RASSF3: variants seen among roughly 807,000 people sequenced by gnomAD.
The protein encoded by RASSF3 is ras association domain-containing protein 3.
Under a neutral mutation model 19.9 loss-of-function variants are expected in RASSF3, and 19 were observed. That is an observed-to-expected ratio of 0.96 (90% CI 0.67 to 1.40). The LOEUF (loss-of-function observed/expected upper bound fraction) is 1.40. RASSF3 is among the 40% of genes most tolerant of loss of function. The pLI is 0.00. For synonymous variants in RASSF3, 110 were observed against 104.2 expected (o/e 1.06, Z -0.34); for missense variants, 306 against 289.8 (o/e 1.06, Z -0.41).
At position 64,669,946 on chromosome 12, in the gene RASSF3, G is replaced by A. The variant is rs1371337214; in HGVS notation, c.112-14841G>A. Among the ~76,000 whole-genome samples the A allele has an allele frequency of 2.0e-5, 3 of 149,894 alleles. No homozygotes were observed. The East Asian group carries it at 5.8e-4, about 29-fold the overall frequency. ...AATCTGCTTTCCAGGGCAGATGGAG[G>A]GTAGCTTTTATTTATACATTGGTCA... On this transcript the variant is annotated intron_variant, in intron 1 of 4. Transcript: ENST00000542104.
intron 2 of RASSF3, among the ~76,000 whole-genome samples, chr12:64,563,351 G>A (rs1869379551): frequency 6.6e-6 from 1 of 151,778 alleles, no homozygotes; most frequent in Non-Finnish European, 1.5e-5. Flanking sequence ...TGTATTTTTA[G>A]TAGAGATGGG....
At chr12:64,595,741 C>A (rs1242339386) in intron 2 of RASSF3, among the ~76,000 whole-genome samples, 1 of 152,114 alleles carries the variant, frequency 6.6e-6, no homozygotes, top group African/African-American at 2.4e-5. Flanking sequence ...ACTATTAGGG[C>A]TCATAAAACA....
chr12:64,683,647 CT>C (rs1354774940), intron 1 of RASSF3, among the ~76,000 whole-genome samples: 1 of 152,110 alleles, frequency 6.6e-6, no homozygotes, highest in Admixed American at 6.6e-5. Flanking sequence ...AACTGCTGTA[CT>C]TTTTGCCAAT....
At chr12:64,557,881 G>T (rs898369253) in intron 2 of RASSF3, among the ~76,000 whole-genome samples, 1 of 152,086 alleles carries the variant, frequency 6.6e-6, no homozygotes, top group African/African-American at 2.4e-5. Flanking sequence ...TGCACCTCCT[G>T]TATTATAATT....
intron 2 of RASSF3, among the ~76,000 whole-genome samples, chr12:64,558,498 T>C (rs1869292688): frequency 6.6e-6 from 1 of 152,182 alleles, no homozygotes; most frequent in South Asian, 2.1e-4. Flanking sequence ...CAGTTCATAG[T>C]GGGCAGTTCT....
chr12:64,615,715 A>G (rs1870531910), intron 1 of RASSF3, among the ~76,000 whole-genome samples: 1 of 149,926 alleles, frequency 6.7e-6, no homozygotes, highest in African/African-American at 2.5e-5. Context: ...CGCTTTTGTC[A>G]CCCAGGCTGG....
At chr12:64,617,421 A>C (rs1870589504) in intron 1 of RASSF3, among the ~76,000 whole-genome samples, 1 of 152,212 alleles carries the variant, frequency 6.6e-6, no homozygotes, top group Non-Finnish European at 1.5e-5. Context: ...ATGTTTTTAA[A>C]AAGCTTACCC....
At chr12:64,614,520 T>C (rs1870486254) in intron 1 of RASSF3, among the ~76,000 whole-genome samples, 1 of 152,130 alleles carries the variant, frequency 6.6e-6, no homozygotes, top group Non-Finnish European at 1.5e-5. Context: ...AGGTATTATT[T>C]AGTGATTGTA....
chr12:64,693,590 T>A (rs1057437931), intron 4 of RASSF3, among the ~76,000 whole-genome samples: 6 of 152,098 alleles, frequency 3.9e-5, no homozygotes, highest in African/African-American at 1.2e-4. Context: ...AGATAATTTT[T>A]AAATTTTTTG....
intron 1 of RASSF3, among the ~76,000 whole-genome samples, chr12:64,617,473 G>A (rs2136159349): frequency 6.6e-6 from 1 of 152,286 alleles, no homozygotes; most frequent in Middle Eastern, 3.4e-3. Flanking sequence ...TCCCTAAAGA[G>A]CTTGCTCCTT....
At chr12:64,578,229 G>A (rs1448239179) in intron 2 of RASSF3, among the ~76,000 whole-genome samples, 11 of 151,936 alleles carry the variant, frequency 7.2e-5, no homozygotes, top group African/African-American at 2.4e-4. Flanking sequence ...TCACAAAGAA[G>A]AAAAAAACAA....
chr12:64,675,501 T>G (rs1434686451), intron 1 of RASSF3, among the ~76,000 whole-genome samples: 1 of 152,082 alleles, frequency 6.6e-6, no homozygotes, highest in Admixed American at 6.6e-5. Flanking sequence ...TAAGGAACAC[T>G]GGGAATCTCT....
At chr12:64,544,063 C>T (rs1296504431), downstream of RASSF3, among the ~76,000 whole-genome samples, 10 of 152,136 alleles carry the variant, frequency 6.6e-5, no homozygotes, top group East Asian at 1.9e-4. Context: ...TGCCAGAGCA[C>T]GCCTTGGCAC....
intron 2 of RASSF3, among the ~76,000 whole-genome samples, chr12:64,580,442 T>G (rs1205047370): frequency 6.6e-6 from 1 of 152,140 alleles, no homozygotes; most frequent in Non-Finnish European, 1.5e-5. Flanking sequence ...TTCACACCTG[T>G]AGTCCCAGAT....
Position 64,632,552 on chromosome 12 carries a change from C to T in RASSF3, c.111+21809C>T, listed in dbSNP as rs142173377. 1.8e-4 allele frequency among the ~76,000 whole-genome samples: 27 copies of T among 152,088 alleles called. No individual in the cohort carries two copies. In the East Asian group the frequency reaches 4.8e-3, roughly 27 times the overall value. Reference sequence around the variant, plus strand: ...TCCAGAAATTGAGTTGTCACATTGGCACCTGATCGACCAGGGTGAGGGGAG... The same window carrying T: ...TCCAGAAATTGAGTTGTCACATTGGTACCTGATCGACCAGGGTGAGGGGAG... On this transcript the variant is annotated intron_variant, in intron 1 of 4. Coordinates refer to ENST00000542104, the MANE Select transcript of RASSF3 (RefSeq NM_178169.4).
chr12:64,537,448 CAA>C (rs1295771172), intron 1 of RASSF3, among the ~76,000 whole-genome samples: 1 of 152,186 alleles, frequency 6.6e-6, no homozygotes, highest in East Asian at 1.9e-4. Context: ...GTCTGACACA[CAA>C]ACTGTGCTCT....
At chr12:64,566,528 C>T (rs764007612) in intron 2 of RASSF3, among the ~76,000 whole-genome samples, 1 of 152,082 alleles carries the variant, frequency 6.6e-6, no homozygotes, top group Non-Finnish European at 1.5e-5. Context: ...AGAGACAGAG[C>T]CTCAGTTCTG....
intron 2 of RASSF3, among the ~76,000 whole-genome samples, chr12:64,557,561 A>G (rs1459251325): frequency 2.0e-5 from 3 of 152,044 alleles, no homozygotes; most frequent in Non-Finnish European, 4.4e-5. Flanking sequence ...TGCAGAGCCT[A>G]GAGTTGTAGG....
chr12:64,662,073 GA>G (rs1199611326), intron 1 of RASSF3, among the ~76,000 whole-genome samples: 2 of 150,758 alleles, frequency 1.3e-5, no homozygotes, highest in Admixed American at 6.6e-5. Context: ...GAGAGAGAGA[GA>G]AAAAAAAATC....
Sources: allele counts gnomAD v4.1 joint callset (sites outside exome capture counted in the v4.1 genomes callset), GRCh38; gene constraint gnomAD v4.1.1; transcripts MANE v1.5; gene names NCBI Gene and HGNC (gene_info 2026-07-23, HGNC 2026-07-21).